PPP4R2: variants seen among roughly 807,000 people sequenced by gnomAD.
PPP4R2 encodes serine/threonine-protein phosphatase 4 regulatory subunit 2.
PPP4R2 carries 13 observed loss-of-function variants against 47.2 expected under a neutral mutation model. That is an observed-to-expected ratio of 0.28 (90% CI 0.18 to 0.44). The LOEUF (loss-of-function observed/expected upper bound fraction) is 0.44. PPP4R2 is among the 20% of genes least tolerant of loss of function. PPP4R2 has a pLI of 1.00. For synonymous variants in PPP4R2, 151 were observed against 163.3 expected (o/e 0.92, Z 0.57); for missense variants, 421 against 491.2 (o/e 0.86, Z 1.35).
chr3:73,040,499 A>ATTTTTTTTTT (rs11342756), intron 2 of PPP4R2, among the ~76,000 whole-genome samples: 17 of 117,568 alleles, frequency 1.4e-4, no homozygotes, highest in South Asian at 5.6e-4. Flanking sequence ...ATGTGACCTA[A>ATTTTTTTTTT]TTTTTTTTTT....
At chr3:73,013,061 TA>T (rs1283330704) in intron 2 of PPP4R2, among the ~76,000 whole-genome samples, 2 of 152,106 alleles carry the variant, frequency 1.3e-5, no homozygotes, top group Non-Finnish European at 2.9e-5. Context: ...TTGTTCATAG[TA>T]GAGAGTTTTT....
At chr3:73,062,986 C>A in intron 5 of PPP4R2, 1 of 1,163,088 alleles carries the variant, frequency 8.6e-7, no homozygotes, top group Non-Finnish European at 1.2e-6. Flanking sequence ...GCTCTACGGG[C>A]CATTGTGTCT....
At chr3:73,051,018 G>A (rs923742479) in intron 3 of PPP4R2, among the ~76,000 whole-genome samples, 5 of 152,056 alleles carry the variant, frequency 3.3e-5, no homozygotes, top group African/African-American at 4.8e-5. Context: ...GGGTTCAGGC[G>A]ATTCTCCTGC....
At chr3:73,035,222 C>T (rs1702241479) in intron 2 of PPP4R2, among the ~76,000 whole-genome samples, 1 of 152,028 alleles carries the variant, frequency 6.6e-6, no homozygotes, top group African/African-American at 2.4e-5. Context: ...ATGTTATACA[C>T]CCCAGTTAAA....
At chr3:73,015,916 A>G (rs1017440883) in intron 2 of PPP4R2, 9 of 304,304 alleles carry the variant, frequency 3.0e-5, no homozygotes, top group Non-Finnish European at 3.4e-5. Context: ...GGGATTACAG[A>G]CGTGAACTAC....
chr3:73,042,494 A>G (rs1166297046), intron 2 of PPP4R2, among the ~76,000 whole-genome samples: 1 of 150,092 alleles, frequency 6.7e-6, no homozygotes, highest in African/African-American at 2.5e-5. Context: ...CCTCCCGAGT[A>G]GCTGGGAATA....
At position 73,007,521 on chromosome 3, in the gene PPP4R2, A is replaced by G. The variant is rs1387104943; in HGVS notation, c.116+9363A>G. On this transcript the variant is annotated intron_variant, in intron 2 of 8. Coordinates refer to ENST00000356692, the MANE Select transcript of PPP4R2 (RefSeq NM_174907.4). The stretch of plus-strand genomic sequence containing the variant: ...GAGACAGAGTCTCACTCTGTCACCC[A>G]GGCTGGAGTACAGTGGTGTCTTGGC... 3.3e-5 allele frequency among the ~76,000 whole-genome samples: 5 copies of G among 151,630 alleles called. No individual in the cohort carries two copies. The East Asian group carries it at 9.7e-4, about 29-fold the overall frequency.
chr3:73,052,241 CTTTTCTTT>C (rs1334241698), intron 3 of PPP4R2, among the ~76,000 whole-genome samples: 11 of 137,734 alleles, frequency 8.0e-5, no homozygotes, highest in East Asian at 2.1e-4. Flanking sequence ...TAATTTCTTT[CTTTTCTTT>C]TTTTTTTTGG....
At chr3:73,003,740 C>T (rs578252147) in intron 2 of PPP4R2, among the ~76,000 whole-genome samples, 2 of 151,996 alleles carry the variant, frequency 1.3e-5, no homozygotes, top group South Asian at 2.1e-4. Context: ...GCTCTGTTGC[C>T]CAGGCTGGAG....
intron 2 of PPP4R2, among the ~76,000 whole-genome samples, chr3:73,008,801 C>G (rs2107219880): frequency 6.6e-6 from 1 of 152,238 alleles, no homozygotes; most frequent in African/African-American, 2.4e-5. Flanking sequence ...AGAAACGAGT[C>G]TAAAGTACTT....
intron 3 of PPP4R2, among the ~76,000 whole-genome samples, chr3:73,052,109 GATAA>G (rs1249433958): frequency 6.6e-6 from 1 of 152,052 alleles, no homozygotes; most frequent in East Asian, 1.9e-4. Context: ...TGCGTGGATG[GATAA>G]ATGAATGAAT....
rs756400484 is a variant in PPP4R2 at position 73,062,713 on chromosome 3, G to C, written c.420-960G>C. ...ACCAGCAGTCTCCAAGTTCAGAGAC[G>C]ATTCAAGGCAATGATGGCATCTATT... On this transcript the variant is annotated intron_variant, in intron 5 of 8. Coordinates refer to ENST00000356692, the MANE Select transcript of PPP4R2 (RefSeq NM_174907.4). The C allele has an allele frequency of 2.5e-6, 4 of 1,613,850 alleles. No individual in the cohort carries two copies. In the African/African-American group the frequency reaches 5.3e-5, roughly 22 times the overall value.
At position 73,007,453 on chromosome 3, in the gene PPP4R2, C is replaced by T. The variant is rs1701634604; in HGVS notation, c.116+9295C>T. 2.0e-5 allele frequency among the ~76,000 whole-genome samples: 3 copies of T among 149,622 alleles called. No individual in the cohort carries two copies. The South Asian group carries it at 6.4e-4, about 32-fold the overall frequency. ...TTTGTGAGGTTTCTTTTATCTTTTT[C>T]TTTTCTGTTTTTTTCTGTTTTTTGT... On this transcript the variant is annotated intron_variant, in intron 2 of 8. Coordinates refer to ENST00000356692, the MANE Select transcript of PPP4R2 (RefSeq NM_174907.4).
chr3:73,002,629 C>CTTTTTTTTTTTTTTTTT lies in PPP4R2; in HGVS notation c.116+4475_116+4476insTTTTTTTTTTTTTTTTT, dbSNP rs1245599779. Among the ~76,000 whole-genome samples, 188 of 82,948 alleles carry CTTTTTTTTTTTTTTTTT rather than the reference C, an allele frequency of 2.3e-3. 24 individuals are homozygous for CTTTTTTTTTTTTTTTTT. The highest frequency in any genetic ancestry group is 2.8e-3 in the Non-Finnish European group (118 of 41,586). 54.4% of individuals were successfully genotyped at this position (82,948 alleles called of 152,430 possible). On this transcript the variant is annotated intron_variant, in intron 2 of 8. Transcript: ENST00000356692. ...TTTTTCTTTTCTTTTCTTTTCTTTT[C>CTTTTTTTTTTTTTTTTT]TTTTCTTTTTTTTTTTTTTTTTTTT...
chr3:73,026,781 T>C (rs909140850), intron 2 of PPP4R2, among the ~76,000 whole-genome samples: 9 of 152,206 alleles, frequency 5.9e-5, no homozygotes, highest in Admixed American at 4.6e-4. Flanking sequence ...ACAATTTCTC[T>C]TCCAGTGTGA....
intron 2 of PPP4R2, among the ~76,000 whole-genome samples, chr3:73,033,780 T>C (rs1044125365): frequency 3.9e-5 from 6 of 152,242 alleles, no homozygotes; most frequent in Admixed American, 2.0e-4. Context: ...TTATAAAATA[T>C]TTCGTGTCTG....
intron 2 of PPP4R2, among the ~76,000 whole-genome samples, chr3:73,036,062 TA>T (rs1702255687): frequency 6.6e-6 from 1 of 152,144 alleles, no homozygotes; most frequent in Non-Finnish European, 1.5e-5. Flanking sequence ...AATTCAGATA[TA>T]AAAAGAATGA....
intron 2 of PPP4R2, among the ~76,000 whole-genome samples, chr3:73,027,496 A>C (rs1401906646): frequency 2.0e-5 from 3 of 152,006 alleles, no homozygotes; most frequent in Non-Finnish European, 4.4e-5. Context: ...CATTTTTTCT[A>C]CCTGATTTGT....
At chr3:73,044,625 A>ATACT (rs1040437913) in intron 2 of PPP4R2, among the ~76,000 whole-genome samples, 1 of 151,982 alleles carries the variant, frequency 6.6e-6, no homozygotes, top group African/African-American at 2.4e-5. Flanking sequence ...TGGCCAGCCA[A>ATACT]TACTTGTTCA....
Sources: allele counts gnomAD v4.1 joint callset (sites outside exome capture counted in the v4.1 genomes callset), GRCh38; gene constraint gnomAD v4.1.1; transcripts MANE v1.5; gene names NCBI Gene and HGNC (gene_info 2026-07-23, HGNC 2026-07-21).